PPM1E: variants seen among roughly 807,000 people sequenced by gnomAD.
The protein encoded by PPM1E is protein phosphatase, Mg2+/Mn2+ dependent 1E, also known as protein phosphatase 1E.
In PPM1E, 20 loss-of-function variants were observed where a neutral mutation model predicts 65.9. The observed-to-expected ratio is 0.30, with a 90% confidence interval of 0.21 to 0.44. The LOEUF is 0.44. Among genes scored for constraint, PPM1E ranks in the 20% least tolerant of loss-of-function variants. The pLI, the probability that PPM1E is intolerant of heterozygous loss-of-function variation, is 1.00. For missense variants in PPM1E, 713 were observed against 953.1 expected (o/e 0.75, Z 3.32); for synonymous variants, 352 against 374.9 (o/e 0.94, Z 0.70).
At chr17:58,944,534 A>G (rs1049217344) in intron 1 of PPM1E, among the ~76,000 whole-genome samples, 8 of 152,234 alleles carry the variant, frequency 5.3e-5, no homozygotes, top group South Asian at 2.1e-4. Flanking sequence ...CTCTGCTTCT[A>G]TAAATTTCCT....
chr17:58,959,920 A>G (rs2029979164), intron 2 of PPM1E, among the ~76,000 whole-genome samples: 1 of 152,226 alleles, frequency 6.6e-6, no homozygotes, highest in Non-Finnish European at 1.5e-5. Context: ...ATAAAATTTA[A>G]TATCATTCCT....
intron 1 of PPM1E, among the ~76,000 whole-genome samples, chr17:58,805,968 AAAAAACAAAAAAAAAACAAAAC>A (rs1567838801): frequency 1.5e-4 from 17 of 111,320 alleles, no homozygotes; most frequent in African/African-American, 3.9e-4. Context: ...AAACAAAAAA[AAAAAACAAAAAAAAAACAAAAC>A]AAAACAAAAC....
At chr17:58,979,822 A>AT (rs1377942371) in intron 6 of PPM1E, 152 bp from the exon 7 acceptor site, 1 of 650,856 alleles carries the variant, frequency 1.5e-6, no homozygotes, top group Non-Finnish European at 2.6e-6. Context: ...GAATTTAAGT[A>AT]TTTTGTCAAA....
At chr17:58,789,008 T>G (rs2050130379) in intron 1 of PPM1E, among the ~76,000 whole-genome samples, 1 of 152,210 alleles carries the variant, frequency 6.6e-6, no homozygotes, top group Non-Finnish European at 1.5e-5. Flanking sequence ...TTACACTGCC[T>G]TCAGATCCTC....
chr17:58,799,971 A>G (rs533092581), intron 1 of PPM1E, among the ~76,000 whole-genome samples: 2 of 152,306 alleles, frequency 1.3e-5, no homozygotes, highest in Non-Finnish European at 2.9e-5. Context: ...ATTTCCATAT[A>G]AATTTTAAAA....
chr17:58,905,806 T>C (rs1249019382), intron 1 of PPM1E, among the ~76,000 whole-genome samples: 1 of 152,164 alleles, frequency 6.6e-6, no homozygotes, highest in Non-Finnish European at 1.5e-5. Context: ...CACTAATTAA[T>C]TAATAGGTGT....
chr17:58,892,677 A>G (rs1387859802), intron 1 of PPM1E, among the ~76,000 whole-genome samples: 1 of 152,180 alleles, frequency 6.6e-6, no homozygotes, highest in Admixed American at 6.6e-5. Context: ...ACTGGGAGAA[A>G]ATATTTGCAA....
At chr17:58,976,206 A>G (rs1168917004) in intron 6 of PPM1E, among the ~76,000 whole-genome samples, 18 of 152,216 alleles carry the variant, frequency 1.2e-4, no homozygotes. Flanking sequence ...AGAGCAGCAC[A>G]GGCTCACTGT....
At chr17:58,944,927 C>G (rs1384037082) in intron 1 of PPM1E, among the ~76,000 whole-genome samples, 1 of 152,172 alleles carries the variant, frequency 6.6e-6, no homozygotes, top group African/African-American at 2.4e-5. Flanking sequence ...AGCTGTACCA[C>G]TTTACATCTC....
intron 1 of PPM1E, among the ~76,000 whole-genome samples, chr17:58,892,488 G>T (rs1268866262): frequency 6.6e-6 from 1 of 152,042 alleles, no homozygotes; most frequent in Non-Finnish European, 1.5e-5. Context: ...CAACAGGATT[G>T]CCTGAGCCCA....
intron 1 of PPM1E, among the ~76,000 whole-genome samples, chr17:58,803,278 T>A (rs1319457691): frequency 2.0e-5 from 3 of 152,196 alleles, no homozygotes; most frequent in African/African-American, 4.8e-5. Flanking sequence ...GAAAGTTTTT[T>A]ATCAAAAAAT....
chr17:58,764,355 TGAG>T (rs2049853054), intron 1 of PPM1E, among the ~76,000 whole-genome samples: 1 of 152,172 alleles, frequency 6.6e-6, no homozygotes, highest in African/African-American at 2.4e-5. Context: ...TTAAAATTAA[TGAG>T]GAAATATAAC....
chr17:58,843,305 G>A (rs1210010493), intron 1 of PPM1E, among the ~76,000 whole-genome samples: 14 of 143,322 alleles, frequency 9.8e-5, no homozygotes, highest in South Asian at 4.5e-4. Flanking sequence ...CAGCCTGGGC[G>A]ACAGAGTGAG....
chr17:58,883,762 G>A (rs2143401991), intron 1 of PPM1E, among the ~76,000 whole-genome samples: 1 of 151,888 alleles, frequency 6.6e-6, no homozygotes, highest in South Asian at 2.1e-4. Context: ...TGGGATTACA[G>A]GCGTGAGCCA....
At chr17:58,939,908 G>T (rs991188474) in intron 1 of PPM1E, among the ~76,000 whole-genome samples, 1 of 152,070 alleles carries the variant, frequency 6.6e-6, no homozygotes, top group African/African-American at 2.4e-5. Flanking sequence ...ATTATTCTTG[G>T]ACTATATTTG....
In PPM1E at chr17:58,782,600, C is replaced by T. The variant is rs200614641; in HGVS notation, c.464+26139C>T. Among the ~76,000 whole-genome samples, 8 of 150,220 alleles carry T rather than the reference C, an allele frequency of 5.3e-5. No homozygotes were observed. In the East Asian group the frequency reaches 1.2e-3, roughly 22 times the overall value. Reference sequence around the variant, plus strand: ...TTTTTTTTGTATTTTTTAATAGAGACGGGGTTTCACCAAGTTGATCAGGCT... The same window carrying T: ...TTTTTTTTGTATTTTTTAATAGAGATGGGGTTTCACCAAGTTGATCAGGCT... On this transcript the variant is annotated intron_variant, in intron 1 of 6. Coordinates refer to ENST00000308249, the MANE Select transcript of PPM1E (RefSeq NM_014906.5).
At chr17:58,819,399 T>A (rs1286509095) in intron 1 of PPM1E, among the ~76,000 whole-genome samples, 1 of 152,192 alleles carries the variant, frequency 6.6e-6, no homozygotes, top group Non-Finnish European at 1.5e-5. Context: ...TCCACCTGCT[T>A]CAGCCTCTCA....
intron 2 of PPM1E, among the ~76,000 whole-genome samples, chr17:58,959,849 A>G (rs2029977045): frequency 6.6e-6 from 1 of 152,178 alleles, no homozygotes; most frequent in African/African-American, 2.4e-5. Flanking sequence ...CACAACTTTT[A>G]TATTAATGGG....
chr17:58,961,774 C>T (rs1023637764), intron 2 of PPM1E, among the ~76,000 whole-genome samples: 3 of 152,132 alleles, frequency 2.0e-5, no homozygotes, highest in African/African-American at 7.2e-5. Context: ...GCTAATGTGA[C>T]CGAAAAACTG....
Sources: gnomAD v4.1 joint callset for allele counts (sites outside exome capture counted in the v4.1 genomes callset) on GRCh38, gnomAD v4.1.1 for gene constraint, MANE v1.5 for transcripts, NCBI Gene and HGNC (gene_info 2026-07-23, HGNC 2026-07-21) for gene names.